HPD: variants seen among roughly 807,000 people sequenced by gnomAD.
HPD encodes 4-hydroxyphenylpyruvic acid oxidase.
In HPD, 35 loss-of-function variants were observed where a neutral mutation model predicts 56.9. That is an observed-to-expected ratio of 0.62 (90% CI 0.47 to 0.82). The LOEUF (loss-of-function observed/expected upper bound fraction) is 0.82, where lower values mean the gene tolerates loss of function less well. Among genes scored for constraint, HPD ranks in the 40% least tolerant of loss-of-function variants. HPD has a pLI of 0.00. For synonymous variants in HPD, 186 were observed against 200.2 expected (o/e 0.93, Z 0.60); for missense variants, 442 against 506.8 (o/e 0.87, Z 1.23).
the HPD span, among the ~76,000 whole-genome samples, chr12:121,875,624 C>A: frequency 1.3e-5 from 2 of 152,004 alleles, no homozygotes; most frequent in Non-Finnish European, 2.9e-5. Context: ...CAGGGTTTCA[C>A]CATGTTGCCC....
At chr12:121,877,120 T>C in the HPD span, among the ~76,000 whole-genome samples, 1 of 150,696 alleles carries the variant, frequency 6.6e-6, no homozygotes, top group Non-Finnish European at 1.5e-5. Flanking sequence ...AAAGAACTGT[T>C]ATGAGTCTCT....
intron 7 of HPD, chr12:121,850,007 G>C (rs921403827): frequency 1.2e-5 from 7 of 569,300 alleles, no homozygotes; most frequent in African/African-American, 1.1e-4. Flanking sequence ...TTTTGCTCAT[G>C]ATGGTGTACC....
At position 121,849,050 on chromosome 12, in the gene HPD, T is replaced by TC; in HGVS notation, c.544dup (p.Asp182GlyfsTer9). 1 of 1,613,800 alleles carries TC rather than the reference T, an allele frequency of 6.2e-7. No individual in the cohort carries two copies. Among genetic ancestry groups the TC allele is most frequent in the Non-Finnish European group, 8.5e-7 (1 of 1,179,902 alleles). ...ATCAGGCTGGTTTCCCACAATGTGG[T>TC]CGATCATCTCCAGACTGCATTTGGG... On this transcript the variant is annotated frameshift_variant, in exon 9 of 14. Coordinates refer to ENST00000289004, the MANE Select transcript of HPD (RefSeq NM_002150.3). LOFTEE classifies it high-confidence loss of function.
In HPD at chr12:121,850,710, T is replaced by G. The variant is rs866613924; in HGVS notation, c.415-920A>C. 7.9e-4 allele frequency among the ~76,000 whole-genome samples: 115 copies of G among 145,592 alleles called. 3 individuals carry two copies. Among genetic ancestry groups the G allele is most frequent in the African/African-American group, 2.0e-3 (79 of 39,578 alleles). ...ACCTAGCCTTTTTTTTTTTTTTTTT[T>G]TTTGTTTGAGACGGAGTCTTGCTTG... On this transcript the variant is annotated intron_variant, in intron 7 of 13. Transcript: ENST00000289004.
the HPD span, among the ~76,000 whole-genome samples, chr12:121,886,150 C>T: frequency 6.7e-6 from 1 of 148,276 alleles, no homozygotes; most frequent in African/African-American, 2.5e-5. Context: ...ACTCTCTCGC[C>T]CGGGCTGGAG....
the HPD span, among the ~76,000 whole-genome samples, chr12:121,888,454 T>TG: frequency 6.6e-6 from 1 of 152,196 alleles, no homozygotes; most frequent in African/African-American, 2.4e-5. Flanking sequence ...CCTCCAGGGC[T>TG]GTGTGGATGT....
At chr12:121,846,294 G>T (rs533699842) in intron 11 of HPD, among the ~76,000 whole-genome samples, 1 of 152,246 alleles carries the variant, frequency 6.6e-6, no homozygotes, top group African/African-American at 2.4e-5. Context: ...TTGGCTCACT[G>T]CAACCTCTAC....
chr12:121,884,949 C>G, the HPD span, among the ~76,000 whole-genome samples: 109 of 152,144 alleles, frequency 7.2e-4, no homozygotes, highest in Non-Finnish European at 1.2e-3. Context: ...AGTGCAGTGG[C>G]ACGATCTCGG....
Position 121,840,091 on chromosome 12 carries a change from G to C in HPD, c.955-43C>G, listed in dbSNP as rs752739025. The C allele has an allele frequency of 9.7e-6, 13 of 1,346,684 alleles. No homozygotes were observed. The South Asian group carries it at 1.5e-4, about 16-fold the overall frequency. 83.4% of individuals were successfully genotyped at this position (1,346,684 alleles called of 1,614,324 possible). On this transcript the variant is annotated intron_variant, in intron 12 of 13. Coordinates refer to ENST00000289004, the MANE Select transcript of HPD (RefSeq NM_002150.3). ...GGCTCTGCTAGGGGAGGCTGGCACG[G>C]TGAGATCCTTGGAAAGTCCACAGGG...
the HPD span, among the ~76,000 whole-genome samples, chr12:121,880,501 T>C: frequency 2.0e-5 from 3 of 152,044 alleles, no homozygotes; most frequent in Non-Finnish European, 4.4e-5. Context: ...GCCTGTACCA[T>C]GATTTCTTTA....
upstream of HPD, chr12:121,858,871 G>A: frequency 1.2e-6 from 2 of 1,611,832 alleles, no homozygotes; most frequent in Non-Finnish European, 1.7e-6. Flanking sequence ...CCTGGGGAGT[G>A]CTGGGCCGGA....
At chr12:121,883,682 CTTTTTTTTTT>C in the HPD span, among the ~76,000 whole-genome samples, 5 of 138,754 alleles carry the variant, frequency 3.6e-5, no homozygotes, top group Non-Finnish European at 7.7e-5. Flanking sequence ...TTCCTTCTTT[CTTTTTTTTTT>C]TTTTTTGATA....
intron 11 of HPD, among the ~76,000 whole-genome samples, chr12:121,846,043 G>A (rs1378350654): frequency 6.6e-6 from 1 of 152,070 alleles, no homozygotes; most frequent in Non-Finnish European, 1.5e-5. Flanking sequence ...AGGACTACAG[G>A]CATGAACCAC....
At chr12:121,885,183 GC>G in the HPD span, among the ~76,000 whole-genome samples, 12 of 150,926 alleles carry the variant, frequency 8.0e-5, no homozygotes, top group South Asian at 1.3e-3. Context: ...GAGCCACCAT[GC>G]CCGGCCTTAC....
In HPD at chr12:121,851,975, G is replaced by A. The variant is rs866324830; in HGVS notation, c.415-2185C>T. Reference sequence around the variant, plus strand: ...CCTGACCTCGTGATCCGCCCGCCTCGGCCTCCCAAAGTGCTGGGATTACAG... The same window carrying A: ...CCTGACCTCGTGATCCGCCCGCCTCAGCCTCCCAAAGTGCTGGGATTACAG... On this transcript the variant is annotated intron_variant, in intron 7 of 13. Transcript: ENST00000289004. Among the ~76,000 whole-genome samples, 5 of 4,516 alleles carry A rather than the reference G, an allele frequency of 1.1e-3. 2 individuals are homozygous for A. The highest frequency in any genetic ancestry group is 1.3e-3 in the Non-Finnish European group (2 of 1,578). 3.0% of individuals were successfully genotyped at this position (4,516 alleles called of 152,430 possible).
upstream of HPD, among the ~76,000 whole-genome samples, chr12:121,866,352 T>C (rs1422233367): frequency 7.0e-6 from 1 of 143,536 alleles, no homozygotes; most frequent in Non-Finnish European, 1.5e-5. Context: ...TAGATGGTGA[T>C]GGGAAAAAGC....
the HPD span, among the ~76,000 whole-genome samples, chr12:121,876,852 A>G: frequency 6.6e-6 from 1 of 151,794 alleles, no homozygotes; most frequent in Non-Finnish European, 1.5e-5. Context: ...GGGAGGCTGA[A>G]GTGGGCTGAA....
chr12:121,879,730 A>G, the HPD span, among the ~76,000 whole-genome samples: 1 of 152,216 alleles, frequency 6.6e-6, no homozygotes, highest in Admixed American at 6.5e-5. Context: ...AGATATACAG[A>G]TAATGATACA....
At chr12:121,883,682 C>CTTTTT in the HPD span, among the ~76,000 whole-genome samples, 1 of 138,748 alleles carries the variant, frequency 7.2e-6, no homozygotes, top group Non-Finnish European at 1.5e-5. Context: ...TTCCTTCTTT[C>CTTTTT]TTTTTTTTTT....
Sources: allele counts gnomAD v4.1 joint callset (sites outside exome capture counted in the v4.1 genomes callset), GRCh38; gene constraint gnomAD v4.1.1; transcripts MANE v1.5; gene names NCBI Gene and HGNC (gene_info 2026-07-23, HGNC 2026-07-21).